Variants in MTG2 observed in about 807,000 individuals in gnomAD.
MTG2 encodes mitochondrial ribosome-associated GTPase 2.
MTG2 carries 23 observed loss-of-function variants against 28.6 expected under a neutral mutation model. The ratio of observed to expected loss-of-function variants is 0.80; its 90% CI spans 0.58 to 1.14. The LOEUF is 1.14. Ranked by LOEUF, MTG2 falls within the 50% of genes most tolerant of loss-of-function variation. The pLI, the probability that MTG2 is intolerant of heterozygous loss-of-function variation, is 0.00. For missense variants in MTG2, 539 were observed against 552.0 expected (o/e 0.98, Z 0.24); for synonymous variants, 260 against 251.8 (o/e 1.03, Z -0.31).
At chr20:62,189,103 G>A (rs112339050) in intron 1 of MTG2, among the ~76,000 whole-genome samples, 1 of 152,004 alleles carries the variant, frequency 6.6e-6, no homozygotes, top group East Asian at 1.9e-4. Flanking sequence ...CAGAAGGATC[G>A]CTTGAGACCA....
chr20:62,200,913 C>G lies in MTG2; in HGVS notation c.1057C>G (p.Gln353Glu). The G allele has an allele frequency of 1.2e-6, 2 of 1,614,046 alleles. No individual in the cohort carries two copies. Among genetic ancestry groups the G allele is most frequent in the East Asian group, 2.2e-5 (1 of 44,888 alleles). ...VANKIDLPEA[Q>E]ANLSQLRDHL... ...AAACAAGATTGACCTCCCTGAAGCC[C>G]AAGCCAATCTGTCCCAGCTCCGGGA... The change falls in exon 7 of 7, where the codon CAA (glutamine) becomes GAA (glutamate). Residue 353 changes from glutamine to glutamate, a missense_variant. Transcript: ENST00000370823.
intron 6 of MTG2, among the ~76,000 whole-genome samples, chr20:62,199,607 C>T (rs1601103514): frequency 6.9e-6 from 1 of 145,388 alleles, no homozygotes; most frequent in East Asian, 2.1e-4. Context: ...GATCATGCCA[C>T]TGCACTCCAG....
At position 62,199,181 on chromosome 20, in the gene MTG2, C is replaced by G; in HGVS notation, c.750C>G (p.Ala250=). The G allele has an allele frequency of 6.2e-7, 1 of 1,614,202 alleles. No homozygotes were observed. Among genetic ancestry groups the G allele is most frequent in the Non-Finnish European group, 8.5e-7 (1 of 1,180,044 alleles). ...GGGCCATTTCAAACGCCAGACCCGCCGTGGCTTCCTACCCGTTCACCACCC... is the reference window on the plus strand; with the variant it reads ...GGGCCATTTCAAACGCCAGACCCGCGGTGGCTTCCTACCCGTTCACCACCC... ...LLRAISNARP[A]VASYPFTTLK... is the part of the protein sequence containing the mutation. The change falls in exon 6 of 7, where the codon GCC becomes GCG. Residue 250 remains alanine, a synonymous_variant. Coordinates refer to ENST00000370823, the MANE Select transcript of MTG2 (RefSeq NM_015666.4).
Position 62,197,916 on chromosome 20 carries a change from T to C in MTG2, c.417T>C (p.Asp139=), listed in dbSNP as rs2058089239. The part of the protein sequence containing the change: ...LSRYQGFSGE[D]GGSKNCFGRS... ...GGTACCAGGGTTTCAGTGGAGAAGA[T>C]GGAGGGAGTAAAAACTGCTTCGGGC... is the stretch of plus-strand genomic sequence containing the variant. The change falls in exon 4 of 7, where the codon GAT becomes GAC. Residue 139 remains aspartate (D), a synonymous_variant. Coordinates refer to ENST00000370823, the MANE Select transcript of MTG2 (RefSeq NM_015666.4). 5 of 1,614,192 alleles carry C rather than the reference T, an allele frequency of 3.1e-6. No homozygotes were observed. Among genetic ancestry groups the C allele is most frequent in the East Asian group, 2.2e-5 (1 of 44,878 alleles).
At chr20:62,187,621 T>A (rs369822882) in intron 1 of MTG2, among the ~76,000 whole-genome samples, 4 of 152,262 alleles carry the variant, frequency 2.6e-5, no homozygotes, top group Non-Finnish European at 5.9e-5. Context: ...CTGAATTTGC[T>A]GGCATGAAGT....
chr20:62,191,640 C>T (rs1210016393), intron 1 of MTG2, among the ~76,000 whole-genome samples: 1 of 152,144 alleles, frequency 6.6e-6, no homozygotes, highest in Non-Finnish European at 1.5e-5. Context: ...AGGCGGTGTC[C>T]CCTCGTTGTG....
At chr20:62,195,204 C>A (rs941007492) in intron 2 of MTG2, among the ~76,000 whole-genome samples, 10 of 152,226 alleles carry the variant, frequency 6.6e-5, no homozygotes, top group East Asian at 3.9e-4. Context: ...TCAAAAAAAA[C>A]CACAAAAAAC....
chr20:62,199,743 G>A (rs1291498146), intron 6 of MTG2, among the ~76,000 whole-genome samples: 1 of 131,030 alleles, frequency 7.6e-6, no homozygotes, highest in Non-Finnish European at 1.6e-5. Context: ...CACCCTGGCT[G>A]GAGTGCAGTG....
chr20:62,199,065 C>T lies in MTG2; in HGVS notation c.688-54C>T, dbSNP rs929350995. On this transcript the variant is annotated intron_variant, in intron 5 of 6. Coordinates refer to ENST00000370823, the MANE Select transcript of MTG2 (RefSeq NM_015666.4). ...CAATCCCAGTTAGTTACAGACTCTG[C>T]GCTAACAAAGGTGCTGCCGCGGGCC... 70 of 1,608,392 alleles carry T rather than the reference C, an allele frequency of 4.4e-5. No individual in the cohort carries two copies. In the African/African-American group the frequency reaches 4.5e-4, roughly 10 times the overall value.
Position 62,195,916 on chromosome 20 carries a change from GA to G in MTG2, c.320del (p.Asp107AlafsTer10), listed in dbSNP as rs1451755992. 1 of 1,614,092 alleles carries G rather than the reference GA, an allele frequency of 6.2e-7. No individual in the cohort carries two copies. Among genetic ancestry groups the G allele is most frequent in the Non-Finnish European group, 8.5e-7 (1 of 1,180,050 alleles). Reference protein sequence around the residue: ...RKEFGGPDGGDGGNGGHVILR... With the variant: ...RKEFGGPDGGXGGNGGHVILR... ...GGAGTTTGGAGGCCCTGATGGAGGGGACGGAGGCAACGGTGGACACGTCATT... is the reference window on the plus strand; with the variant it reads ...GGAGTTTGGAGGCCCTGATGGAGGGGCGGAGGCAACGGTGGACACGTCATT... On this transcript the variant is annotated frameshift_variant, in exon 3 of 7. Transcript: ENST00000370823. LOFTEE classifies it high-confidence loss of function.
intron 2 of MTG2, among the ~76,000 whole-genome samples, chr20:62,194,722 C>T (rs1601094820): frequency 6.6e-6 from 1 of 152,168 alleles, no homozygotes; most frequent in East Asian, 1.9e-4. Context: ...CTGTCAGGGG[C>T]AGGGCACGTC....
rs548305527 is a variant in MTG2 at position 62,198,219 on chromosome 20, A to G, written c.468+252A>G. ...AAAGTCATGAAACGATTCTCTTTTAAAAAGAGGGAGCCCACGGCACGGACG... is the reference window on the plus strand; with the variant it reads ...AAAGTCATGAAACGATTCTCTTTTAGAAAGAGGGAGCCCACGGCACGGACG... On this transcript the variant is annotated intron_variant, in intron 4 of 6. Coordinates refer to ENST00000370823, the MANE Select transcript of MTG2 (RefSeq NM_015666.4). 110 of 541,406 alleles carry G rather than the reference A, an allele frequency of 2.0e-4. 1 individual carries two copies. The highest frequency in any genetic ancestry group is 2.0e-3 in the Middle Eastern group (4 of 2,032). 33.5% of individuals were successfully genotyped at this position (541,406 alleles called of 1,614,324 possible). A position where few individuals can be genotyped will look rare whatever the true frequency, so the allele number is the denominator to read the frequency against.
intron 1 of MTG2, among the ~76,000 whole-genome samples, chr20:62,192,029 A>C (rs1259112045): frequency 6.6e-6 from 1 of 152,184 alleles, no homozygotes; most frequent in African/African-American, 2.4e-5. Flanking sequence ...TCAGGCACCA[A>C]ATGTGTGGGT....
Position 62,185,471 on chromosome 20 carries a change from A to G in MTG2, c.-6+2414A>G, listed in dbSNP as rs11697397. On this transcript the variant is annotated intron_variant, in intron 1 of 6. Transcript: ENST00000370823. ...TATACACATACATATATATACATGT[A>G]TATGTATGTACACAAATTAGCTGAG... 8.9e-3 allele frequency among the ~76,000 whole-genome samples: 1,350 copies of G among 152,150 alleles called. 13 individuals carry two copies. Among genetic ancestry groups the G allele is most frequent in the Non-Finnish European group, 0.011 (775 of 67,998 alleles).
chr20:62,197,934 C>T lies in MTG2; in HGVS notation c.435C>T (p.Cys145=). Reference sequence around the variant, plus strand: ...GAGAAGATGGAGGGAGTAAAAACTGCTTCGGGCGCAGTGGCGCCGTCCTCT... The same window carrying T: ...GAGAAGATGGAGGGAGTAAAAACTGTTTCGGGCGCAGTGGCGCCGTCCTCT... ...FSGEDGGSKN[C]FGRSGAVLYI... is the part of the protein sequence containing the mutation. The change falls in exon 4 of 7, where the codon TGC becomes TGT. Residue 145 remains cysteine (C), a synonymous_variant. Coordinates refer to ENST00000370823, the MANE Select transcript of MTG2 (RefSeq NM_015666.4). 6.2e-7 allele frequency: 1 copy of T among 1,614,186 alleles called. No individual in the cohort carries two copies. Among genetic ancestry groups the T allele is most frequent in the African/African-American group, 1.3e-5 (1 of 75,068 alleles).
chr20:62,196,952 A>C (rs1224971208), intron 3 of MTG2, among the ~76,000 whole-genome samples: 2 of 152,126 alleles, frequency 1.3e-5, no homozygotes, highest in Non-Finnish European at 2.9e-5. Context: ...GAATTGCTTG[A>C]ATCCAGGAGG....
At chr20:62,196,695 CA>C (rs1020054774) in intron 3 of MTG2, among the ~76,000 whole-genome samples, 3 of 151,338 alleles carry the variant, frequency 2.0e-5, no homozygotes, top group African/African-American at 7.3e-5. Context: ...AACAAACAAA[CA>C]AAAAAAACCC....
chr20:62,200,647 A>C, intron 6 of MTG2, 36 bp from the exon 7 acceptor site: 1 of 1,552,982 alleles, frequency 6.4e-7, no homozygotes, highest in Non-Finnish European at 8.7e-7. Flanking sequence ...TGGGTGTGCC[A>C]AGTGGTCACC....
intron 1 of MTG2, 99 bp from the exon 2 acceptor site, chr20:62,193,317 C>T (rs1325842702): frequency 3.4e-6 from 4 of 1,176,172 alleles, no homozygotes; most frequent in East Asian, 2.4e-5. Flanking sequence ...GTTTCAGAAA[C>T]GTGCACAAAG....
Sources: gnomAD v4.1 joint callset for allele counts (sites outside exome capture counted in the v4.1 genomes callset) on GRCh38, gnomAD v4.1.1 for gene constraint, MANE v1.5 for transcripts, NCBI Gene and HGNC (gene_info 2026-07-23, HGNC 2026-07-21) for gene names.